NEMP2: variants seen among roughly 807,000 people sequenced by gnomAD.
The protein encoded by NEMP2 is UPF0571 transmembrane protein.
NEMP2 carries 53 observed loss-of-function variants against 54.2 expected under a neutral mutation model. That is an observed-to-expected ratio of 0.98 (90% CI 0.78 to 1.23). The LOEUF (loss-of-function observed/expected upper bound fraction) is 1.23. NEMP2 is among the 50% of genes most tolerant of loss of function. NEMP2 has a pLI of 0.00. For synonymous variants in NEMP2, 197 were observed against 190.3 expected (o/e 1.04, Z -0.29); for missense variants, 455 against 511.3 (o/e 0.89, Z 1.06).
the NEMP2 span, among the ~76,000 whole-genome samples, chr2:190,561,720 G>A: frequency 1.3e-5 from 2 of 152,236 alleles, no homozygotes; most frequent in East Asian, 3.9e-4. The surrounding 1 kb of genome is among the most constrained non-coding windows in gnomAD (Gnocchi z 5.4). Context: ...CACCATATAT[G>A]TCTATCTTTT....
chr2:190,445,457 C>CAAAAAAA, the NEMP2 span, among the ~76,000 whole-genome samples: 3 of 143,786 alleles, frequency 2.1e-5, no homozygotes, highest in Non-Finnish European at 3.0e-5. Context: ...GCCCCAATCA[C>CAAAAAAA]AAAAAAAAAA....
rs993137964 is a variant in NEMP2, at chr2:190,510,535, T to A, written c.956A>T (p.Lys319Ile). ...TTTTGATGTAAACCACTGCTCCATT[T>A]TCCTAAAACATGGCATGTGGTTGCA... ...PLRACSYMRWKMEQWFTSKEL... is the reference protein window; with the variant it reads ...PLRACSYMRWIMEQWFTSKEL... The change falls in exon 8 of 9, where the codon AAA becomes ATA. Residue 319 changes from lysine to isoleucine, a missense_variant and splice_region_variant. Lys to Ile is a moderately radical substitution (Grantham distance 102). Transcript: ENST00000409150. This position sits in a 1 kb window ranked among gnomAD's most constrained non-coding sequence, Gnocchi z 5.7. The A allele has an allele frequency of 6.4e-7, 1 of 1,551,806 alleles. No homozygotes were observed. The highest frequency in any genetic ancestry group is 1.4e-5 in the African/African-American group (1 of 73,046).
chr2:190,479,106 G>A, the NEMP2 span, among the ~76,000 whole-genome samples: 1 of 152,138 alleles, frequency 6.6e-6, no homozygotes, highest in Non-Finnish European at 1.5e-5. Flanking sequence ...AGATGGGTTT[G>A]TGAAGAAACA....
chr2:190,527,353 G>A lies in NEMP2; in HGVS notation c.98-1975C>T, dbSNP rs562712830. The stretch of plus-strand genomic sequence containing the variant: ...CTGAAATATCCTTAGCATTAAGTTG[G>A]AGAAAAGTGAAGACAGACTTGGGGA... On this transcript the variant is annotated intron_variant, in intron 1 of 8. Transcript: ENST00000409150. This position sits in a 1 kb window ranked among gnomAD's most constrained non-coding sequence, Gnocchi z 4.0. Among the ~76,000 whole-genome samples the A allele has an allele frequency of 5.9e-5, 9 of 152,266 alleles. No individual in the cohort carries two copies. Among genetic ancestry groups the A allele is most frequent in the Non-Finnish European group, 2.9e-5 (2 of 68,024 alleles).
the NEMP2 span, chr2:190,626,468 AAGAGAGAGAG>A: frequency 1.3e-5 from 2 of 151,502 alleles, no homozygotes; most frequent in African/African-American, 4.9e-5. This position sits in a 1 kb window ranked among gnomAD's most constrained non-coding sequence, Gnocchi z 4.5. Flanking sequence ...GAGAGAGAGA[AAGAGAGAGAG>A]AGAGCTTTAC....
At chr2:190,476,848 T>TA in the NEMP2 span, among the ~76,000 whole-genome samples, 1 of 151,994 alleles carries the variant, frequency 6.6e-6, no homozygotes, top group Non-Finnish European at 1.5e-5. Flanking sequence ...ATGTGGCACA[T>TA]ATACACCATG....
At chr2:190,479,415 A>G in the NEMP2 span, among the ~76,000 whole-genome samples, 1 of 152,204 alleles carries the variant, frequency 6.6e-6, no homozygotes, top group Non-Finnish European at 1.5e-5. Context: ...ACGTGCCTAA[A>G]AGCATTGCTG....
chr2:190,429,227 C>CGT, the NEMP2 span, among the ~76,000 whole-genome samples: 81,336 of 148,740 alleles, frequency 0.55, 22,409 homozygotes, highest in Admixed American at 0.65. Flanking sequence ...TCTTTTGTTA[C>CGT]GTGTGTGTGT....
the NEMP2 span, among the ~76,000 whole-genome samples, chr2:190,493,794 T>C: frequency 6.6e-6 from 1 of 152,018 alleles, no homozygotes; most frequent in Non-Finnish European, 1.5e-5. Flanking sequence ...AAAATCAAGA[T>C]GGAAATTTAA....
At chr2:190,581,003 T>C in the NEMP2 span, among the ~76,000 whole-genome samples, 2 of 152,232 alleles carry the variant, frequency 1.3e-5, no homozygotes, top group Admixed American at 6.5e-5. Flanking sequence ...TCAGAACAGA[T>C]AGTAACTAAT....
chr2:190,587,070 G>T, the NEMP2 span, among the ~76,000 whole-genome samples: 946 of 152,182 alleles, frequency 6.2e-3, 7 homozygotes, highest in African/African-American at 0.021. The surrounding 1 kb of genome is among the most constrained non-coding windows in gnomAD (Gnocchi z 5.4). Context: ...CCAGTCACCG[G>T]CTGTTCAAGT....
At chr2:190,542,469 C>T in the NEMP2 span, among the ~76,000 whole-genome samples, 2 of 152,244 alleles carry the variant, frequency 1.3e-5, no homozygotes, top group African/African-American at 2.4e-5. This position sits in a 1 kb window ranked among gnomAD's most constrained non-coding sequence, Gnocchi z 4.6. Flanking sequence ...ACCTTGGCCT[C>T]CCAAAGTGCT....
rs866635317 is a variant in NEMP2 at position 190,519,031 on chromosome 2, A to C, written c.366T>G (p.Asn122Lys). The C allele has an allele frequency of 6.4e-7, 1 of 1,551,058 alleles. No individual in the cohort carries two copies. Among genetic ancestry groups the C allele is most frequent in the Middle Eastern group, 1.7e-4 (1 of 5,988 alleles). Residue 122 changes from asparagine to lysine, a missense_variant, in exon 3 of 9, where the codon AAT (asparagine) becomes AAG (lysine). Transcript: ENST00000409150. This position sits in a 1 kb window ranked among gnomAD's most constrained non-coding sequence, Gnocchi z 5.4. ...AGAAGCACACAGTCTCCCTGTATGG[A>C]TTGATGATTATGGTTATTTCGTTAG... ...KESNEITIIINPYRETVCFSV... is the reference protein window; with the variant it reads ...KESNEITIIIKPYRETVCFSV...
the NEMP2 span, chr2:190,607,690 T>C: frequency 2.0e-5 from 3 of 152,200 alleles, no homozygotes; most frequent in Non-Finnish European, 4.4e-5. This position sits in a 1 kb window ranked among gnomAD's most constrained non-coding sequence, Gnocchi z 5.2. Context: ...AAATTTACTA[T>C]TTTATCCATT....
At chr2:190,615,859 TCTC>T in the NEMP2 span, among the ~76,000 whole-genome samples, 1 of 152,120 alleles carries the variant, frequency 6.6e-6, no homozygotes, top group Admixed American at 6.5e-5. This position sits in a 1 kb window ranked among gnomAD's most constrained non-coding sequence, Gnocchi z 4.7. Flanking sequence ...TTATGGCACA[TCTC>T]CTCTTGCTTG....
the NEMP2 span, among the ~76,000 whole-genome samples, chr2:190,563,831 A>C: frequency 1.3e-4 from 20 of 152,370 alleles, no homozygotes; most frequent in Admixed American, 1.2e-3. The surrounding 1 kb of genome is among the most constrained non-coding windows in gnomAD (Gnocchi z 4.3). Context: ...TCCAGAGCCA[A>C]TACCAGAAAC....
intron 4 of NEMP2, among the ~76,000 whole-genome samples, chr2:190,518,197 G>C (rs1033498954): frequency 6.6e-6 from 1 of 152,220 alleles, no homozygotes; most frequent in African/African-American, 2.4e-5. Context: ...TCTTTCTCAT[G>C]AGAGAATTCC....
the NEMP2 span, among the ~76,000 whole-genome samples, chr2:190,570,641 C>T: frequency 4.6e-3 from 694 of 152,276 alleles, 10 homozygotes; most frequent in African/African-American, 0.016. This position sits in a 1 kb window ranked among gnomAD's most constrained non-coding sequence, Gnocchi z 5.4. Context: ...GCACCCTTTT[C>T]CAGGGGGGAA....
chr2:190,553,312 C>T, the NEMP2 span: 1 of 152,160 alleles, frequency 6.6e-6, no homozygotes, highest in Non-Finnish European at 1.5e-5. Context: ...AAGAAGGACT[C>T]TTACCACCTC....
Sources: gnomAD v4.1 joint callset for allele counts (sites outside exome capture counted in the v4.1 genomes callset) on GRCh38, gnomAD v4.1.1 for gene constraint, Gnocchi (gnomAD v3.1) non-coding constraint, MANE v1.5 for transcripts, NCBI Gene and HGNC (gene_info 2026-07-23, HGNC 2026-07-21) for gene names.